Variants in PALLD observed in about 807,000 individuals in gnomAD.
PALLD encodes the protein palladin, cytoskeletal associated protein, also known as palladin.
In PALLD, 61 loss-of-function variants were observed where a neutral mutation model predicts 123.5. The observed-to-expected ratio is 0.49, with a 90% CI of 0.40 to 0.61. The LOEUF (loss-of-function observed/expected upper bound fraction) is 0.61. PALLD is among the 20% of genes least tolerant of loss of function. The probability of loss-of-function intolerance (pLI) is 0.00; values close to 1 mark genes in which losing one functional copy is unlikely to be tolerated. For missense variants in PALLD, 1,273 were observed against 1,377.0 expected (o/e 0.92, Z 1.20); for synonymous variants, 465 against 496.4 (o/e 0.94, Z 0.84).
At chr4:168,819,339 G>A (rs1159064125) in intron 10 of PALLD, among the ~76,000 whole-genome samples, 3 of 151,204 alleles carry the variant, frequency 2.0e-5, no homozygotes, top group Non-Finnish European at 4.4e-5. Context: ...GTGTGTGTGT[G>A]TGTGTGTGTG....
intron 10 of PALLD, among the ~76,000 whole-genome samples, chr4:168,857,146 C>G (rs949824819): frequency 1.3e-5 from 2 of 152,220 alleles, no homozygotes; most frequent in African/African-American, 4.8e-5. Flanking sequence ...TCCTCGCCCT[C>G]CATGTTTTCA....
At chr4:168,900,278 G>C (rs1268103879) in intron 14 of PALLD, among the ~76,000 whole-genome samples, 1 of 152,118 alleles carries the variant, frequency 6.6e-6, no homozygotes, top group East Asian at 1.9e-4. Context: ...GGAGGGGACA[G>C]ACATCCAAAC....
intron 2 of PALLD, among the ~76,000 whole-genome samples, chr4:168,618,125 A>G (rs1169091517): frequency 1.3e-5 from 2 of 152,174 alleles, no homozygotes; most frequent in Non-Finnish European, 2.9e-5. Context: ...TTCCAGTCCT[A>G]CCACCTCTGA....
chr4:168,788,923 A>C (rs1255909306), intron 10 of PALLD, among the ~76,000 whole-genome samples: 3 of 152,222 alleles, frequency 2.0e-5, no homozygotes, highest in Non-Finnish European at 4.4e-5. Flanking sequence ...GATCAAAAGA[A>C]TAGAACCTTG....
At chr4:168,901,667 G>C (rs1354033965) in intron 14 of PALLD, among the ~76,000 whole-genome samples, 1 of 152,048 alleles carries the variant, frequency 6.6e-6, no homozygotes, top group Non-Finnish European at 1.5e-5. Flanking sequence ...AGAACAGCCT[G>C]GCCAATATTG....
At chr4:168,565,161 A>G (rs1768248693) in intron 2 of PALLD, among the ~76,000 whole-genome samples, 1 of 152,066 alleles carries the variant, frequency 6.6e-6, no homozygotes, top group Admixed American at 6.6e-5. Flanking sequence ...ATGAGACCCT[A>G]TCTCAAACAA....
intron 10 of PALLD, among the ~76,000 whole-genome samples, chr4:168,741,122 C>T (rs1346007973): frequency 6.6e-6 from 1 of 152,128 alleles, no homozygotes; most frequent in African/African-American, 2.4e-5. Flanking sequence ...ATATATGGCT[C>T]ATTTCCATAA....
chr4:168,717,641 A>G (rs987568760), intron 10 of PALLD, among the ~76,000 whole-genome samples: 2 of 152,254 alleles, frequency 1.3e-5, no homozygotes, highest in East Asian at 1.9e-4. Context: ...GTGAGCCACC[A>G]TGCCTGGCTG....
chr4:168,656,709 G>T (rs1469596027), intron 2 of PALLD, among the ~76,000 whole-genome samples: 1 of 152,162 alleles, frequency 6.6e-6, no homozygotes, highest in Non-Finnish European at 1.5e-5. Context: ...TATCCAGATT[G>T]TGGGGGGAAA....
At chr4:168,621,861 T>G (rs921166504) in intron 2 of PALLD, among the ~76,000 whole-genome samples, 1 of 152,172 alleles carries the variant, frequency 6.6e-6, no homozygotes, top group Non-Finnish European at 1.5e-5. Context: ...AGGGATATGA[T>G]GCTGTGTAAA....
chr4:168,891,102 C>CA, intron 11 of PALLD, 45 bp downstream of exon 11: 3 of 1,595,522 alleles, frequency 1.9e-6, no homozygotes, highest in Non-Finnish European at 2.6e-6. Flanking sequence ...TAGCTACCCA[C>CA]ATACCTTTCT....
chr4:168,644,957 C>T (rs746242804), intron 2 of PALLD, among the ~76,000 whole-genome samples: 10 of 151,778 alleles, frequency 6.6e-5, no homozygotes, highest in Admixed American at 5.3e-4. Flanking sequence ...AAAAATTAGC[C>T]GGGCATGGTG....
chr4:168,623,567 T>C (rs1311884977), intron 2 of PALLD, among the ~76,000 whole-genome samples: 1 of 152,158 alleles, frequency 6.6e-6, no homozygotes, highest in African/African-American at 2.4e-5. Flanking sequence ...TAGGTGAGGA[T>C]GGAGGCGGCG....
chr4:168,631,556 C>T (rs930149676), intron 2 of PALLD: 18 of 962,920 alleles, frequency 1.9e-5, no homozygotes, highest in Non-Finnish European at 2.2e-5. Flanking sequence ...TCTCCCCCTC[C>T]CCAGCAGCCC....
chr4:168,924,139 A>C, intron 18 of PALLD, 116 bp from the exon 19 acceptor site: 1 of 853,196 alleles, frequency 1.2e-6, no homozygotes, highest in South Asian at 1.5e-5. Flanking sequence ...TACCACCTGG[A>C]GTAAAAAATG....
At chr4:168,905,338 T>C (rs1022847333) in intron 15 of PALLD, among the ~76,000 whole-genome samples, 4 of 151,114 alleles carry the variant, frequency 2.6e-5, no homozygotes, top group African/African-American at 9.7e-5. Context: ...TTAGTAGAGA[T>C]GGGGTTTCAC....
At chr4:168,609,627 T>G (rs1209168416) in intron 2 of PALLD, among the ~76,000 whole-genome samples, 1 of 152,130 alleles carries the variant, frequency 6.6e-6, no homozygotes, top group Non-Finnish European at 1.5e-5. Context: ...CAAGAGGTGC[T>G]GAGGGCAGCT....
intron 2 of PALLD, among the ~76,000 whole-genome samples, chr4:168,627,128 T>C (rs1775376355): frequency 6.6e-6 from 1 of 152,228 alleles, no homozygotes; most frequent in Admixed American, 6.5e-5. Flanking sequence ...AAAATTATTC[T>C]TTTTGAAAGT....
intron 10 of PALLD, among the ~76,000 whole-genome samples, chr4:168,815,267 G>A (rs1416925024): frequency 6.6e-6 from 1 of 152,230 alleles, no homozygotes; most frequent in Non-Finnish European, 1.5e-5. Context: ...TGGTGCTCCT[G>A]TAATAGAATG....
Sources: gnomAD v4.1 joint callset for allele counts (sites outside exome capture counted in the v4.1 genomes callset) on GRCh38, gnomAD v4.1.1 for gene constraint, MANE v1.5 for transcripts, NCBI Gene and HGNC (gene_info 2026-07-23, HGNC 2026-07-21) for gene names.